Variants in PSMB5 observed in about 807,000 individuals in gnomAD.
PSMB5 encodes proteasome 20S subunit beta 5.
In PSMB5, 2 loss-of-function variants were observed where a neutral mutation model predicts 22.8. The observed-to-expected ratio is 0.09, with a 90% CI of 0.04 to 0.28. The LOEUF (loss-of-function observed/expected upper bound fraction) is 0.28. Among genes scored for constraint, PSMB5 ranks in the 10% least tolerant of loss-of-function variants. The pLI is 1.00. For missense variants in PSMB5, 269 were observed against 343.8 expected, an observed-to-expected ratio of 0.78 and a Z score of 1.72; for synonymous variants, 133 against 135.3, an observed-to-expected ratio of 0.98 and a Z score of 0.12.
chr14:23,029,338 C>A (rs1006915803), intron 2 of PSMB5, among the ~76,000 whole-genome samples: 1 of 152,154 alleles, frequency 6.6e-6, no homozygotes, highest in African/African-American at 2.4e-5. Context: ...TCCCCTTCAC[C>A]CACTTAGTTC....
intron 2 of PSMB5, among the ~76,000 whole-genome samples, chr14:23,030,753 C>T (rs1007260155): frequency 6.6e-6 from 1 of 151,792 alleles, no homozygotes; most frequent in African/African-American, 2.4e-5. Flanking sequence ...ATGGTGAAAC[C>T]CTGTCTCTAC....
At chr14:23,032,629 C>G (rs1185013567) in intron 2 of PSMB5, among the ~76,000 whole-genome samples, 2 of 151,488 alleles carry the variant, frequency 1.3e-5, no homozygotes, top group African/African-American at 4.9e-5. Context: ...GACAGAGTCT[C>G]GCTCTGTTGC....
intron 2 of PSMB5, among the ~76,000 whole-genome samples, chr14:23,030,855 G>C (rs2046947923): frequency 6.6e-6 from 1 of 152,170 alleles, no homozygotes; most frequent in Non-Finnish European, 1.5e-5. Flanking sequence ...AACCCAGGAG[G>C]TGGAGGTTGC....
intron 2 of PSMB5, among the ~76,000 whole-genome samples, chr14:23,030,492 A>T (rs1315780893): frequency 4.3e-5 from 6 of 140,604 alleles, no homozygotes; most frequent in East Asian, 2.0e-4. Flanking sequence ...CCGTCTCAAT[A>T]AAAAAAAAAA....
intron 2 of PSMB5, among the ~76,000 whole-genome samples, chr14:23,030,356 G>A (rs1431375416): frequency 6.6e-6 from 1 of 152,018 alleles, no homozygotes; most frequent in Non-Finnish European, 1.5e-5. Context: ...GGGCGTGGTG[G>A]CGGGCACCTG....
In PSMB5 at chr14:23,034,691, G is replaced by A. The variant is rs1416278047; in HGVS notation, c.191C>T (p.Ala64Val). The A allele has an allele frequency of 1.2e-6, 2 of 1,614,098 alleles. No homozygotes were observed. Among genetic ancestry groups the A allele is most frequent in the Non-Finnish European group, 1.7e-6 (2 of 1,180,024 alleles). The change falls in exon 1 of 3, where the codon GCC becomes GTC. Residue 64 changes from alanine (A) to valine (V), a missense_variant. Physicochemically the swap from Ala to Val is moderately conservative, Grantham distance 64. This residue lies in a region of PSMB5 where 75 missense variants were observed against 143.2 expected (regional missense o/e 0.52). Transcript: ENST00000361611. ...IEMLHGTTTLAFKFRHGVIVA... is the reference protein window; with the variant it reads ...IEMLHGTTTLVFKFRHGVIVA... ...AGGGGGCTGGCTCCACACCTTGAAG[G>A]CCAGGGTGGTTGTTCCATGAAGCAT...
intron 2 of PSMB5, among the ~76,000 whole-genome samples, chr14:23,027,087 T>C (rs577460855): frequency 1.1e-5 from 1 of 94,438 alleles, no homozygotes; most frequent in East Asian, 3.1e-4. Flanking sequence ...TGTCTCAAAA[T>C]AATATAATAA....
upstream of PSMB5, chr14:23,035,001 T>A (rs936162473): frequency 2.8e-6 from 4 of 1,440,718 alleles, no homozygotes; most frequent in East Asian, 1.0e-4. Context: ...CCATTTTGAC[T>A]GCTGGCAAGC....
intron 2 of PSMB5, among the ~76,000 whole-genome samples, chr14:23,028,134 ACT>A (rs976981123): frequency 1.4e-5 from 2 of 138,028 alleles, no homozygotes; most frequent in Non-Finnish European, 1.5e-5. Flanking sequence ...CAAGAGTGAA[ACT>A]CTGTCTCAAA....
chr14:23,034,166 C>G (rs1010782242), intron 1 of PSMB5, among the ~76,000 whole-genome samples: 1 of 150,578 alleles, frequency 6.6e-6, no homozygotes, highest in African/African-American at 2.4e-5. Context: ...GATGAGGAAA[C>G]AGGTTCAATG....
At chr14:23,028,911 A>G (rs961485900) in intron 2 of PSMB5, among the ~76,000 whole-genome samples, 7 of 152,190 alleles carry the variant, frequency 4.6e-5, no homozygotes, top group African/African-American at 1.7e-4. Flanking sequence ...GTTCTCCATT[A>G]CCTACCACAC....
intron 2 of PSMB5, among the ~76,000 whole-genome samples, chr14:23,032,427 G>A (rs929998813): frequency 5.9e-5 from 9 of 152,002 alleles, no homozygotes; most frequent in Admixed American, 2.0e-4. Context: ...CTGGACGATC[G>A]GAGTGAAACT....
At position 23,034,815 on chromosome 14, in the gene PSMB5, C is replaced by T. The variant is rs2139924650; in HGVS notation, c.67G>A (p.Gly23Ser). 6.2e-7 allele frequency: 1 copy of T among 1,614,238 alleles called. No individual in the cohort carries two copies. The highest frequency in any genetic ancestry group is 8.5e-7 in the Non-Finnish European group (1 of 1,180,046). The change falls in exon 1 of 3, where the codon GGT becomes AGT. Residue 23 changes from glycine (G) to serine (S), a missense_variant. By Grantham distance (56) the Gly-to-Ser change is moderately conservative. Around this residue, in one of 3 missense-constraint regions of PSMB5, gnomAD observed 81 missense variants for 70.4 expected, o/e 1.15. Transcript: ENST00000361611. ...VNQRGFFGLG[G>S]RADLLDLGPG... ...CCTAGATCCAGCAGATCTGCACGAC[C>T]CCCAAGTCCGAAAAACCCGCGCTGG...
At position 23,033,224 on chromosome 14, in the gene PSMB5, G is replaced by GAAAAA. The variant is rs142564613; in HGVS notation, c.505+139_505+143dup. Reference sequence around the variant, plus strand: ...AATGAGACACAGTCTAAAAAAACAGGAAAAAAAAAAAGAGAGAAGGAAGGG... The same window carrying GAAAAA: ...AATGAGACACAGTCTAAAAAAACAGGAAAAAAAAAAAAAAAAGAGAGAAGGAAGGG... On this transcript the variant is annotated intron_variant, in intron 2 of 2. Transcript: ENST00000361611. 4.0e-4 allele frequency: 283 copies of GAAAAA among 714,284 alleles called. No individual in the cohort carries two copies. The South Asian group carries it at 5.1e-3, about 13-fold the overall frequency. The allele number at this position is 714,284 out of a possible 1,614,324, so 44.2% of individuals were successfully genotyped here.
chr14:23,032,076 G>C (rs528492279), intron 2 of PSMB5, among the ~76,000 whole-genome samples: 2 of 152,068 alleles, frequency 1.3e-5, no homozygotes, highest in Non-Finnish European at 2.9e-5. Context: ...GCGACAGAGC[G>C]AGACTCCATC....
In PSMB5 at chr14:23,034,024, AGCCT is replaced by A. The variant is rs1223006981; in HGVS notation, c.199-354_199-351del. ...ATCTCTACAAAAAGTAAAAAAACTT[AGCCT>A]GTCGTGGTGGTGTGTGCCTATAGTG... On this transcript the variant is annotated intron_variant, in intron 1 of 2. Coordinates refer to ENST00000361611, the MANE Select transcript of PSMB5 (RefSeq NM_002797.5). Among the ~76,000 whole-genome samples, 10 of 151,574 alleles carry A rather than the reference AGCCT, an allele frequency of 6.6e-5. No individual in the cohort carries two copies. In the South Asian group the frequency reaches 1.9e-3, roughly 29 times the overall value.
chr14:23,027,398 T>A (rs868384655), intron 2 of PSMB5, among the ~76,000 whole-genome samples: 5,043 of 132,632 alleles, frequency 0.038, 191 homozygotes, highest in African/African-American at 0.085. Context: ...AAAAAAATAA[T>A]AATAATAATA....
At chr14:23,029,147 G>C (rs541896423) in intron 2 of PSMB5, among the ~76,000 whole-genome samples, 1 of 152,256 alleles carries the variant, frequency 6.6e-6, no homozygotes, top group Admixed American at 6.5e-5. Flanking sequence ...AGTCCCCCAG[G>C]TGATTTTAAT....
rs80122928 is a variant in PSMB5 at position 23,032,045 on chromosome 14, C to T, written c.505+1323G>A. On this transcript the variant is annotated intron_variant, in intron 2 of 2. Transcript: ENST00000361611. ...CAGAGATTGCAGTGAGCTGAGATCC[C>T]GCCGCTGCACTCCAGTCGGGGCGAC... 7.9e-3 allele frequency among the ~76,000 whole-genome samples: 1,195 copies of T among 151,734 alleles called. 52 individuals are homozygous for T. The highest frequency in any genetic ancestry group is 0.043 in the East Asian group (218 of 5,118).
Sources: gnomAD v4.1 joint callset for allele counts (sites outside exome capture counted in the v4.1 genomes callset) on GRCh38, gnomAD v4.1.1 for gene constraint, gnomAD v4.1.1 regional missense constraint, MANE v1.5 for transcripts, NCBI Gene and HGNC (gene_info 2026-07-23, HGNC 2026-07-21) for gene names.